The following CDK12 variants were observed in gnomAD, a reference collection of about 807,000 sequenced individuals.
CDK12 encodes cyclin dependent kinase 12, also known as cyclin-dependent kinase 12.
CDK12 carries 17 observed loss-of-function variants against 133.8 expected under a neutral mutation model. The ratio of observed to expected loss-of-function variants is 0.13; its 90% CI spans 0.09 to 0.19. CDK12 has a LOEUF of 0.19. Among genes scored for constraint, CDK12 ranks in the 10% least tolerant of loss-of-function variants. CDK12 has a pLI of 1.00. For missense variants in CDK12, 1,508 were observed against 1,818.7 expected, an observed-to-expected ratio of 0.83 and a Z score of 3.11; for synonymous variants, 694 against 683.6, an observed-to-expected ratio of 1.02 and a Z score of -0.24.
intron 1 of CDK12, among the ~76,000 whole-genome samples, chr17:39,467,034 A>G (rs2049385187): frequency 6.6e-6 from 1 of 151,866 alleles, no homozygotes; most frequent in Non-Finnish European, 1.5e-5. Context: ...GCTGGAGTGC[A>G]GTGGTGCGAT....
chr17:39,516,383 G>T (rs60048132), intron 9 of CDK12, among the ~76,000 whole-genome samples: 5 of 151,480 alleles, frequency 3.3e-5, no homozygotes, highest in African/African-American at 1.2e-4. Flanking sequence ...TTTAGACAGG[G>T]TCTCGCTCTG....
chr17:39,474,523 C>G (rs567010234), intron 2 of CDK12, among the ~76,000 whole-genome samples: 1 of 152,206 alleles, frequency 6.6e-6, no homozygotes, highest in African/African-American at 2.4e-5. Context: ...TCATGTTGCC[C>G]AGGTTGGTCT....
In CDK12 at chr17:39,560,454, C is replaced by T. The variant is rs552866557; in HGVS notation, n.484+4041C>T. On this transcript the variant is annotated intron_variant and non_coding_transcript_variant, in intron 3 of 3. Coordinates refer to the CDK12 transcript ENST00000558240. ...TTGGGCATGGCACTACTATTATCTC[C>T]ATTTTATAGATGTGGAAAATTGAGG... 2.3e-3 allele frequency among the ~76,000 whole-genome samples: 351 copies of T among 152,308 alleles called. 2 individuals carry two copies. Among genetic ancestry groups the T allele is most frequent in the African/African-American group, 8.0e-3 (332 of 41,560 alleles).
chr17:39,466,963 CATTTTATTTTATTTT>C (rs565424155), intron 1 of CDK12, among the ~76,000 whole-genome samples: 1 of 151,630 alleles, frequency 6.6e-6, no homozygotes, highest in South Asian at 2.1e-4. Context: ...AAATAAGCAA[CATTTTATTTTATTTT>C]ATTTTATTTT....
intron 7 of CDK12, among the ~76,000 whole-genome samples, chr17:39,510,455 T>C (rs919972859): frequency 1.3e-5 from 2 of 152,014 alleles, no homozygotes; most frequent in Non-Finnish European, 2.9e-5. Context: ...GTTCTAGTAT[T>C]CTGCAAGTTG....
chr17:39,566,680 G>T (rs1200068667), downstream of CDK12, among the ~76,000 whole-genome samples: 1 of 152,100 alleles, frequency 6.6e-6, no homozygotes, highest in Admixed American at 6.5e-5. Flanking sequence ...TGGGTGGGCA[G>T]CCCCCCTCCC....
At position 39,462,065 on chromosome 17, in the gene CDK12, A is replaced by T; in HGVS notation, c.-7A>T. On this transcript the variant is annotated 5_prime_UTR_variant, in exon 1 of 14. Transcript: ENST00000447079. ...TTTTTTCCCTTCTTCAGGTCAGGGGAAAGGGAATGCCCAATTCAGAGAGAC... is the reference window on the plus strand; with the variant it reads ...TTTTTTCCCTTCTTCAGGTCAGGGGTAAGGGAATGCCCAATTCAGAGAGAC... 6.2e-7 allele frequency: 1 copy of T among 1,611,114 alleles called. No individual in the cohort carries two copies. Among genetic ancestry groups the T allele is most frequent in the South Asian group, 1.1e-5 (1 of 90,994 alleles).
At chr17:39,530,503 A>C in intron 13 of CDK12, 101 bp from the exon 14 acceptor site, 1 of 1,440,972 alleles carries the variant, frequency 6.9e-7, no homozygotes, top group Non-Finnish European at 9.2e-7. Context: ...ATATCTGGTT[A>C]CTTATATTGA....
chr17:39,565,689 C>T (rs1205497334), downstream of CDK12, among the ~76,000 whole-genome samples: 6 of 152,300 alleles, frequency 3.9e-5, no homozygotes, highest in East Asian at 9.6e-4. Flanking sequence ...CCGCCTCAGC[C>T]TCCCAAAATG....
downstream of CDK12, chr17:39,535,085 ATC>A (rs2055071356): frequency 1.3e-5 from 2 of 152,194 alleles, no homozygotes; most frequent in South Asian, 4.1e-4. Context: ...AAAAGTTAAA[ATC>A]TCTATTGTTT....
Position 39,471,234 on chromosome 17 carries a change from C to T in CDK12, c.1402C>T (p.Leu468=). ...PDTELVNVTH[L]NTEVKNSSDT... Reference sequence around the variant, plus strand: ...TACTGAACTGGTGAATGTAACACATCTAAACACAGAGGTAAAAAATTCTTC... The same window carrying T: ...TACTGAACTGGTGAATGTAACACATTTAAACACAGAGGTAAAAAATTCTTC... Residue 468 remains leucine (L), a synonymous_variant, in exon 2 of 14, where the codon CTA becomes TTA. Coordinates refer to ENST00000447079, the MANE Select transcript of CDK12 (RefSeq NM_016507.4). 6.2e-7 allele frequency: 1 copy of T among 1,606,868 alleles called. No individual in the cohort carries two copies. The highest frequency in any genetic ancestry group is 8.5e-7 in the Non-Finnish European group (1 of 1,177,904).
chr17:39,521,520 C>T (rs942217563), intron 11 of CDK12, among the ~76,000 whole-genome samples: 1 of 152,068 alleles, frequency 6.6e-6, no homozygotes, highest in African/African-American at 2.4e-5. Context: ...GCCTTGGCCT[C>T]CCAAGGTGCC....
At chr17:39,514,236 AG>A (rs1296887798) in intron 8 of CDK12, among the ~76,000 whole-genome samples, 2 of 152,070 alleles carry the variant, frequency 1.3e-5, no homozygotes, top group East Asian at 3.8e-4. Context: ...ATAGGGTTTG[AG>A]AGAATATAGG....
chr17:39,506,493 G>T (rs1335340933), intron 6 of CDK12, among the ~76,000 whole-genome samples: 6 of 152,106 alleles, frequency 3.9e-5, no homozygotes, highest in Non-Finnish European at 7.3e-5. Context: ...TAGGATTACA[G>T]ACGCGAGCCA....
chr17:39,474,033 G>A (rs753072710), intron 2 of CDK12, among the ~76,000 whole-genome samples: 16 of 152,108 alleles, frequency 1.1e-4, no homozygotes, highest in Admixed American at 5.9e-4. Context: ...CTCCAGCCTG[G>A]GTGACAGAGC....
At chr17:39,489,905 G>A (rs2051449350) in intron 2 of CDK12, among the ~76,000 whole-genome samples, 1 of 150,552 alleles carries the variant, frequency 6.6e-6, no homozygotes, top group Non-Finnish European at 1.5e-5. Context: ...CTCCCAAAGT[G>A]CTGGGATCAC....
rs2049781640 is a variant in CDK12, at chr17:39,471,414, C to T, written c.1582C>T (p.Pro528Ser). ...AACATCAGAAAAGGAGACCCCTCCA[C>T]CTCTTCCCACAATTGCTTCTCCCCC... is the stretch of plus-strand genomic sequence containing the variant. ...TETSEKETPP[P>S]LPTIASPPPP... is the part of the protein sequence containing the mutation. Residue 528 changes from proline to serine, a missense_variant, in exon 2 of 14, where the codon CCT becomes TCT. By Grantham distance (74) the Pro-to-Ser change is moderately conservative. This residue lies in a region of CDK12 where 347 missense variants were observed against 330.8 expected (regional missense o/e 1.05). Transcript: ENST00000447079. The T allele has an allele frequency of 5.6e-6, 9 of 1,613,906 alleles. No individual in the cohort carries two copies. The East Asian group carries it at 2.0e-4, about 36-fold the overall frequency.
rs775820633 is a variant in CDK12, at chr17:39,531,139, T to C, written c.4296T>C (p.His1432=). ...AGGGAAGCAGCAATTCTGTGGTACA[T>C]GCAGAGACCAAATTGCAAAACTATG... ...KAEGSSNSVV[H]AETKLQNYGE... Residue 1432 remains histidine, a synonymous_variant, in exon 14 of 14, where the codon CAT becomes CAC. Coordinates refer to ENST00000447079, the MANE Select transcript of CDK12 (RefSeq NM_016507.4). The C allele has an allele frequency of 1.9e-6, 3 of 1,541,110 alleles. No individual in the cohort carries two copies. The highest frequency in any genetic ancestry group is 1.3e-5 in the South Asian group (1 of 78,634).
chr17:39,537,669 TCTC>T (rs1598211202), downstream of CDK12, among the ~76,000 whole-genome samples: 1 of 151,788 alleles, frequency 6.6e-6, no homozygotes, highest in African/African-American at 2.4e-5. Context: ...TTCCAGCAAT[TCTC>T]CTGTCTCAGC....
Sources: allele counts gnomAD v4.1 joint callset (sites outside exome capture counted in the v4.1 genomes callset), GRCh38; gene constraint gnomAD v4.1.1; regional missense constraint gnomAD v4.1.1; transcripts MANE v1.5; gene names NCBI Gene and HGNC (gene_info 2026-07-23, HGNC 2026-07-21).